CTNNA2: variants seen among roughly 807,000 people sequenced by gnomAD.
The protein encoded by CTNNA2 is catenin alpha-2.
CTNNA2 carries 42 observed loss-of-function variants against 101.0 expected under a neutral mutation model. The observed-to-expected ratio is 0.42, with a 90% CI of 0.32 to 0.54. CTNNA2 has a LOEUF of 0.54. Ranked by LOEUF, CTNNA2 falls within the 20% of genes least tolerant of loss-of-function variation. The pLI is 0.14. For missense variants in CTNNA2, 871 were observed against 1,223.1 expected (o/e 0.71, Z 4.29); for synonymous variants, 450 against 456.4 (o/e 0.99, Z 0.18).
At position 79,970,565 on chromosome 2, in the gene CTNNA2, G is replaced by A. The variant is rs973374830; in HGVS notation, c.1056+60768G>A. On this transcript the variant is annotated intron_variant, in intron 7 of 18. Coordinates refer to ENST00000402739, the MANE Select transcript of CTNNA2 (RefSeq NM_001282597.3). ...CATGTTTTGCTCCGTATGGAGAAGA[G>A]GAAAAGCGTTTCCAAGCTGATTCCT... Among the ~76,000 whole-genome samples, 16 of 152,266 alleles carry A rather than the reference G, an allele frequency of 1.1e-4. 1 individual carries two copies. The East Asian group carries it at 3.1e-3, about 29-fold the overall frequency.
intron 6 of CTNNA2, among the ~76,000 whole-genome samples, chr2:79,888,467 T>C (rs1684058437): frequency 6.6e-6 from 1 of 151,780 alleles, no homozygotes; most frequent in Non-Finnish European, 1.5e-5. Flanking sequence ...TCTGATAGAA[T>C]CATTTACCTT....
intron 1 of CTNNA2, among the ~76,000 whole-genome samples, chr2:79,558,392 G>A (rs566281174): frequency 6.6e-6 from 1 of 151,962 alleles, no homozygotes; most frequent in Admixed American, 6.6e-5. Flanking sequence ...TTTTACAAAA[G>A]TATTCATTAT....
intron 7 of CTNNA2, among the ~76,000 whole-genome samples, chr2:80,206,899 T>C (rs1707568546): frequency 6.6e-6 from 1 of 152,222 alleles, no homozygotes. Context: ...GGAGAAAGGC[T>C]GAGGCTTCCT....
chr2:79,618,448 T>C (rs1484762024), intron 1 of CTNNA2, among the ~76,000 whole-genome samples: 1 of 152,176 alleles, frequency 6.6e-6, no homozygotes, highest in Non-Finnish European at 1.5e-5. Context: ...ACTTTTGAGG[T>C]ATTAGAATTT....
At chr2:79,542,246 A>G (rs1673471679) in intron 1 of CTNNA2, among the ~76,000 whole-genome samples, 1 of 152,100 alleles carries the variant, frequency 6.6e-6, no homozygotes, top group Admixed American at 6.5e-5. Context: ...AGTATGGGCT[A>G]TTTCTTCAGC....
At chr2:79,472,988 AAC>A (rs1160228589) in intron 4 of CTNNA2, among the ~76,000 whole-genome samples, 3 of 152,226 alleles carry the variant, frequency 2.0e-5, no homozygotes, top group African/African-American at 7.2e-5. Context: ...GCCACTTTGT[AAC>A]AGAGATTGCC....
rs35114377 is a variant in CTNNA2, at chr2:80,471,820, TAA to T, written c.1290+52228_1290+52229del. ...AGTGGTCCTTTGTCCTCAAGTTTGT[TAA>T]AAAAAAAATGCATAAAGAAGGTGGC... On this transcript the variant is annotated intron_variant, in intron 9 of 18. Transcript: ENST00000402739. 1.3e-3 allele frequency among the ~76,000 whole-genome samples: 200 copies of T among 150,880 alleles called. 1 individual carries two copies. Among genetic ancestry groups the T allele is most frequent in the African/African-American group, 4.5e-3 (185 of 41,280 alleles).
intron 7 of CTNNA2, among the ~76,000 whole-genome samples, chr2:80,194,871 A>T (rs927429406): frequency 1.3e-5 from 2 of 151,736 alleles, no homozygotes; most frequent in African/African-American, 4.8e-5. Context: ...ATATATACAC[A>T]CAGGCTTTAT....
chr2:80,610,034 T>C (rs216671), intron 17 of CTNNA2, among the ~76,000 whole-genome samples: 34,799 of 151,754 alleles, frequency 0.23, 5,759 homozygotes, highest in African/African-American at 0.47. Flanking sequence ...GTCTTGTTGG[T>C]AAAGTTCATA....
chr2:80,116,666 A>C (rs915611347), intron 7 of CTNNA2, among the ~76,000 whole-genome samples: 2 of 152,182 alleles, frequency 1.3e-5, no homozygotes, highest in South Asian at 4.1e-4. Context: ...ATGTGTTTAG[A>C]TATTTTAGGA....
intron 7 of CTNNA2, among the ~76,000 whole-genome samples, chr2:80,129,290 C>T (rs953632338): frequency 2.0e-5 from 3 of 152,176 alleles, no homozygotes; most frequent in African/African-American, 7.2e-5. Context: ...AGGGGTCCCG[C>T]ATTAAGCAGG....
intron 9 of CTNNA2, among the ~76,000 whole-genome samples, chr2:80,444,993 G>T (rs1474407291): frequency 6.6e-6 from 1 of 151,976 alleles, no homozygotes; most frequent in East Asian, 1.9e-4. Flanking sequence ...TCCACACGTT[G>T]CCCAGTGCCC....
chr2:80,513,461 A>G (rs1573091454), intron 9 of CTNNA2, among the ~76,000 whole-genome samples: 1 of 152,234 alleles, frequency 6.6e-6, no homozygotes, highest in Non-Finnish European at 1.5e-5. Flanking sequence ...ATTGGATACC[A>G]TATCAGTTTT....
At chr2:80,140,471 A>C (rs1344830383) in intron 7 of CTNNA2, among the ~76,000 whole-genome samples, 2 of 152,118 alleles carry the variant, frequency 1.3e-5, no homozygotes, top group African/African-American at 4.8e-5. Context: ...TCTTAAGTCC[A>C]TGGTGACAGA....
chr2:79,729,100 G>A (rs184319643), intron 2 of CTNNA2, among the ~76,000 whole-genome samples: 2 of 152,212 alleles, frequency 1.3e-5, no homozygotes, highest in East Asian at 3.9e-4. Context: ...GTAACTTAAG[G>A]ATAATTTTTA....
rs1466566495 is a variant in CTNNA2 at position 79,796,562 on chromosome 2, A to ATTGCCT, written c.298+51982_298+51987dup. Among the ~76,000 whole-genome samples the ATTGCCT allele has an allele frequency of 3.9e-5, 6 of 152,178 alleles. No individual in the cohort carries two copies. In the East Asian group the frequency reaches 1.2e-3, roughly 29 times the overall value. ...GACCACAAGCGGGGCATACAACCAG[A>ATTGCCT]TTGCCTTAAGGACACATGGAGGCAG... On this transcript the variant is annotated intron_variant, in intron 3 of 18. Coordinates refer to ENST00000402739, the MANE Select transcript of CTNNA2 (RefSeq NM_001282597.3).
intron 4 of CTNNA2, among the ~76,000 whole-genome samples, chr2:79,858,859 G>T (rs948968122): frequency 1.3e-5 from 2 of 151,712 alleles, no homozygotes; most frequent in Non-Finnish European, 1.5e-5. Flanking sequence ...CCTAATAGAG[G>T]TGAAGCCCTG....
At chr2:79,879,566 T>C (rs1404274263) in intron 6 of CTNNA2, among the ~76,000 whole-genome samples, 2 of 152,148 alleles carry the variant, frequency 1.3e-5, no homozygotes, top group African/African-American at 4.8e-5. Context: ...AGGTATTTTA[T>C]TATCTTTGTA....
Position 80,303,447 on chromosome 2 carries a change from T to C in CTNNA2, c.1057-89764T>C. 6.2e-7 allele frequency: 1 copy of C among 1,614,114 alleles called. No individual in the cohort carries two copies. The highest frequency in any genetic ancestry group is 8.5e-7 in the Non-Finnish European group (1 of 1,180,010). On this transcript the variant is annotated intron_variant, in intron 7 of 18. Coordinates refer to ENST00000402739, the MANE Select transcript of CTNNA2 (RefSeq NM_001282597.3). This position sits in a 1 kb window ranked among gnomAD's most constrained non-coding sequence, Gnocchi z 7.7. ...AAGGTGGTGTTGGGCAGTTGGGTGA[T>C]CTGGTTGGAACTCAGCGTGAGTTCC...
Sources: gnomAD v4.1 joint callset for allele counts (sites outside exome capture counted in the v4.1 genomes callset) on GRCh38, gnomAD v4.1.1 for gene constraint, Gnocchi (gnomAD v3.1) non-coding constraint, MANE v1.5 for transcripts, NCBI Gene and HGNC (gene_info 2026-07-23, HGNC 2026-07-21) for gene names.